EIF3J: variants seen among roughly 807,000 people sequenced by gnomAD.
EIF3J encodes eukaryotic translation initiation factor 3, subunit 1 (alpha, 35kD).
In EIF3J, 15 loss-of-function variants were observed where a neutral mutation model predicts 39.0. The ratio of observed to expected loss-of-function variants is 0.38; its 90% confidence interval spans 0.26 to 0.59. The LOEUF is 0.59. EIF3J is among the 20% of genes least tolerant of loss of function. The pLI is 0.60. For missense variants in EIF3J, 226 were observed against 308.6 expected, an observed-to-expected ratio of 0.73 and a Z score of 2.00; for synonymous variants, 98 against 112.9, an observed-to-expected ratio of 0.87 and a Z score of 0.84.
rs112554088 is a variant in EIF3J at position 44,557,536 on chromosome 15, A to G, written c.457A>G (p.Arg153Gly). ...AATAGATGCTATGAACCCATCTTCA[A>G]GAGATGACTTTACAGAGTTTGGAAA... ...YGIDAMNPSS[R>G]DDFTEFGKLL... Residue 153 changes from arginine to glycine, a missense_variant, in exon 6 of 8, where the codon AGA (arginine) becomes GGA (glycine). Arg to Gly is a moderately radical substitution (Grantham distance 125). Coordinates refer to ENST00000261868, the MANE Select transcript of EIF3J (RefSeq NM_003758.4). 2 of 1,562,006 alleles carry G rather than the reference A, an allele frequency of 1.3e-6. No individual in the cohort carries two copies. The highest frequency in any genetic ancestry group is 1.7e-6 in the Non-Finnish European group (2 of 1,157,272).
chr15:44,542,730 T>C (rs1435157965), intron 2 of EIF3J, among the ~76,000 whole-genome samples: 1 of 152,204 alleles, frequency 6.6e-6, no homozygotes, highest in East Asian at 1.9e-4. Context: ...GCTTAAATGA[T>C]GGGTGTGTAT....
intron 2 of EIF3J, among the ~76,000 whole-genome samples, chr15:44,537,637 G>A (rs2081970784): frequency 6.6e-6 from 1 of 152,238 alleles, no homozygotes; most frequent in Non-Finnish European, 1.5e-5. Context: ...CCGGTTGAGA[G>A]TCTGCTCTCC....
At chr15:44,545,864 TC>T (rs2082048918) in intron 2 of EIF3J, among the ~76,000 whole-genome samples, 1 of 152,244 alleles carries the variant, frequency 6.6e-6, no homozygotes, top group Non-Finnish European at 1.5e-5. Context: ...CCTTAGTTTT[TC>T]ACTGAGATTG....
At chr15:44,560,436 T>TG in intron 7 of EIF3J, 114 bp downstream of exon 7, 2 of 954,616 alleles carry the variant, frequency 2.1e-6, no homozygotes, top group Non-Finnish European at 3.1e-6. Context: ...AACTCACTAA[T>TG]ACCATTTAAG....
intron 5 of EIF3J, among the ~76,000 whole-genome samples, chr15:44,556,181 C>T (rs989655041): frequency 1.1e-4 from 17 of 152,052 alleles, no homozygotes; most frequent in Non-Finnish European, 2.9e-5. Flanking sequence ...CAGATTTCTT[C>T]TATTGGGATT....
intron 6 of EIF3J, among the ~76,000 whole-genome samples, chr15:44,558,528 C>CA (rs936588233): frequency 0.044 from 6,072 of 136,708 alleles, 164 homozygotes; most frequent in African/African-American, 0.075. Context: ...GACTCCGTCT[C>CA]AAAAAAAAAA....
intron 6 of EIF3J, 51 bp from the exon 7 acceptor site, chr15:44,560,198 T>C (rs778001577): frequency 3.3e-6 from 5 of 1,524,068 alleles, no homozygotes; most frequent in Non-Finnish European, 3.6e-6. Context: ...GCTTTAACTT[T>C]TCAAAATGCT....
At chr15:44,557,349 T>C (rs946606269) in intron 5 of EIF3J, 140 bp from the exon 6 acceptor site, 1 of 498,450 alleles carries the variant, frequency 2.0e-6, no homozygotes, top group Non-Finnish European at 3.2e-6. Context: ...TTCTATCCAG[T>C]GACTCCAGTG....
intron 5 of EIF3J, 110 bp from the exon 6 acceptor site, chr15:44,557,379 T>TG (rs1353299414): frequency 1.3e-6 from 1 of 771,632 alleles, no homozygotes; most frequent in Non-Finnish European, 1.8e-6. Flanking sequence ...TCAGAGCCCC[T>TG]GCTTTAGAAT....
chr15:44,552,446 T>C (rs545627711), intron 4 of EIF3J, among the ~76,000 whole-genome samples: 37 of 152,282 alleles, frequency 2.4e-4, no homozygotes, highest in African/African-American at 7.9e-4. Context: ...GGTTTCGCCA[T>C]GTTGGCCGGG....
At chr15:44,549,037 T>TA (rs892928056) in intron 2 of EIF3J, among the ~76,000 whole-genome samples, 61 of 145,782 alleles carry the variant, frequency 4.2e-4, no homozygotes, top group Admixed American at 1.7e-3. Flanking sequence ...GAGATCTAAA[T>TA]AAAAAAAAAA....
At chr15:44,541,366 T>C (rs1236886810) in intron 2 of EIF3J, among the ~76,000 whole-genome samples, 1 of 152,218 alleles carries the variant, frequency 6.6e-6, no homozygotes, top group Non-Finnish European at 1.5e-5. Flanking sequence ...TTGCAGAAAC[T>C]TATAGCTGTG....
intron 2 of EIF3J, among the ~76,000 whole-genome samples, chr15:44,542,568 T>C (rs1420873042): frequency 6.6e-6 from 1 of 152,222 alleles, no homozygotes; most frequent in African/African-American, 2.4e-5. Flanking sequence ...TTTTATATTA[T>C]GAAGACAGAA....
At chr15:44,554,884 G>A (rs533987738) in intron 5 of EIF3J, among the ~76,000 whole-genome samples, 4 of 152,162 alleles carry the variant, frequency 2.6e-5, no homozygotes, top group Non-Finnish European at 5.9e-5. Flanking sequence ...GTCATTTATA[G>A]CAATGCAAGA....
chr15:44,560,933 G>C, intron 7 of EIF3J, 85 bp from the exon 8 acceptor site: 1 of 1,527,752 alleles, frequency 6.5e-7, no homozygotes, highest in South Asian at 1.2e-5. Flanking sequence ...AAAGGTTTTT[G>C]TGTGTTTGTT....
Position 44,537,240 on chromosome 15 carries a change from G to A in EIF3J, c.43+3G>A. On this transcript the variant is annotated splice_donor_region_variant and intron_variant, in intron 1 of 7. Transcript: ENST00000261868. ...GGCGGGGGACTCGGACTCCTGGGGT[G>A]AGGAGAAGTTGCTGGGGCAGGGCCC... The A allele has an allele frequency of 2.5e-6, 4 of 1,591,114 alleles. No homozygotes were observed. The highest frequency in any genetic ancestry group is 3.4e-6 in the Non-Finnish European group (4 of 1,169,492).
Position 44,561,336 on chromosome 15 carries a change from A to G in EIF3J, c.*187A>G, listed in dbSNP as rs1017663971. The G allele has an allele frequency of 5.4e-6, 3 of 558,038 alleles. No homozygotes were observed. The highest frequency in any genetic ancestry group is 8.5e-6 in the Non-Finnish European group (3 of 354,364). The allele number at this position is 558,038 out of a possible 1,614,324, so 34.6% of individuals were successfully genotyped here. Reference sequence around the variant, plus strand: ...TGAGGGAACTTGGATCTTGCTGCCAAGGGGTTAAAATTGGGAACCTAAGTT... The same window carrying G: ...TGAGGGAACTTGGATCTTGCTGCCAGGGGGTTAAAATTGGGAACCTAAGTT... On this transcript the variant is annotated 3_prime_UTR_variant, in exon 8 of 8. Transcript: ENST00000261868.
In EIF3J at chr15:44,550,946, G is replaced by A. The variant is rs1016712152; in HGVS notation, c.202+16G>A. 1.3e-6 allele frequency: 2 copies of A among 1,598,842 alleles called. No homozygotes were observed. The highest frequency in any genetic ancestry group is 1.7e-6 in the Non-Finnish European group (2 of 1,172,362). ...GTAAAACCAGGTGAGCCACTGGGGC[G>A]CCTCCATTTTTGTTTTTATGTCTTG... On this transcript the variant is annotated intron_variant, in intron 3 of 7. Coordinates refer to ENST00000261868, the MANE Select transcript of EIF3J (RefSeq NM_003758.4).
chr15:44,559,763 T>A (rs184999251), intron 6 of EIF3J, among the ~76,000 whole-genome samples: 1 of 152,000 alleles, frequency 6.6e-6, no homozygotes, highest in Non-Finnish European at 1.5e-5. Context: ...CTGTTCTCCC[T>A]GATTACTGGG....
Sources: allele counts gnomAD v4.1 joint callset (sites outside exome capture counted in the v4.1 genomes callset), GRCh38; gene constraint gnomAD v4.1.1; transcripts MANE v1.5; gene names NCBI Gene and HGNC (gene_info 2026-07-23, HGNC 2026-07-21).